FAM83F: variants seen among roughly 807,000 people sequenced by gnomAD.
FAM83F encodes protein FAM83F.
A neutral mutation model predicts 42.9 loss-of-function variants in FAM83F; 45 were observed. That is an observed-to-expected ratio of 1.05 (90% CI 0.83 to 1.35). The LOEUF is 1.35. Among genes scored for constraint, FAM83F ranks in the 40% most tolerant of loss-of-function variants. The pLI is 0.00. For missense variants in FAM83F, 617 were observed against 695.9 expected (o/e 0.89, Z 1.28); for synonymous variants, 306 against 298.3 (o/e 1.03, Z -0.27).
intron 1 of FAM83F, chr22:39,998,958 T>A (rs1380359987): frequency 2.6e-5 from 4 of 152,152 alleles, no homozygotes; most frequent in Non-Finnish European, 5.9e-5. Flanking sequence ...AACTCTTGGT[T>A]CTTATTTGCA....
rs757440995 is a variant in FAM83F, at chr22:40,021,518, G to C, written c.1008G>C (p.Pro336=). ...KYALVSGCRH[P]PGEMMRWAAR... is the part of the protein sequence containing the mutation. ...CCTTGGTGTCAGGCTGCCGCCACCC[G>C]CCTGGGGAGATGATGCGCTGGGCTG... Residue 336 remains proline, a synonymous_variant, in exon 4 of 5, where the codon CCG becomes CCC. Coordinates refer to ENST00000333407, the MANE Select transcript of FAM83F (RefSeq NM_138435.4). This position sits in a 1 kb window ranked among gnomAD's most constrained non-coding sequence, Gnocchi z 8.7. The C allele has an allele frequency of 6.3e-7, 1 of 1,575,418 alleles. No individual in the cohort carries two copies.
intron 1 of FAM83F, among the ~76,000 whole-genome samples, chr22:40,013,476 A>G (rs1230592578): frequency 6.6e-6 from 1 of 152,198 alleles, no homozygotes; most frequent in Non-Finnish European, 1.5e-5. Context: ...AGGTCTCACC[A>G]TTCTGTTCCA....
chr22:40,001,389 A>C (rs537137430), intron 1 of FAM83F, among the ~76,000 whole-genome samples: 1 of 152,176 alleles, frequency 6.6e-6, no homozygotes, highest in South Asian at 2.1e-4. Flanking sequence ...TCATGTCCCC[A>C]GCACTTTGGG....
At chr22:40,008,293 C>G (rs1435031674) in intron 1 of FAM83F, among the ~76,000 whole-genome samples, 1 of 152,228 alleles carries the variant, frequency 6.6e-6, no homozygotes, top group Non-Finnish European at 1.5e-5. Context: ...CAGCGGGCCC[C>G]CCATGGGCTG....
chr22:39,997,218 G>C (rs1003366723), intron 1 of FAM83F, among the ~76,000 whole-genome samples: 2 of 152,230 alleles, frequency 1.3e-5, no homozygotes, highest in Non-Finnish European at 2.9e-5. Flanking sequence ...TAATGGTGCA[G>C]TCCGATTAAG....
intron 1 of FAM83F, among the ~76,000 whole-genome samples, chr22:40,014,159 A>G (rs1230745542): frequency 2.2e-5 from 2 of 91,182 alleles, no homozygotes; most frequent in Non-Finnish European, 4.2e-5. Flanking sequence ...GTCTTATTGC[A>G]TAGGTGAGGA....
rs1294181877 is a variant in FAM83F at position 40,032,129 on chromosome 22, G to A, written c.*2564G>A. 1 of 152,392 alleles carries A rather than the reference G, an allele frequency of 6.6e-6. No individual in the cohort carries two copies. Among genetic ancestry groups the A allele is most frequent in the Non-Finnish European group, 1.5e-5 (1 of 68,214 alleles). The allele number at this position is 152,392 out of a possible 1,614,324, so 9.4% of individuals were successfully genotyped here. A position where few individuals can be genotyped will look rare whatever the true frequency, so the allele number is the denominator to read the frequency against. On this transcript the variant is annotated 3_prime_UTR_variant, in exon 5 of 5. Coordinates refer to ENST00000333407, the MANE Select transcript of FAM83F (RefSeq NM_138435.4). ...AAGGGCTCTAGGAGGAACAGGATAA[G>A]GCAGCACTCTCGGGGCTGGGGTCTG... is the stretch of plus-strand genomic sequence containing the variant.
rs2067660546 is a variant in FAM83F at position 40,043,302 on chromosome 22, T to C, written c.*13737T>C. 6.6e-6 allele frequency: 1 copy of C among 152,214 alleles called. No individual in the cohort carries two copies. Among genetic ancestry groups the C allele is most frequent in the African/African-American group, 2.4e-5 (1 of 41,458 alleles). 9.4% of individuals were successfully genotyped at this position (152,214 alleles called of 1,614,324 possible). A position where few individuals can be genotyped will look rare whatever the true frequency, so the allele number is the denominator to read the frequency against. ...GAATGTGGGCTAGAGTCCAGCGTTG[T>C]GCTCCTGGAGATCATTTCGGTCGCA... On this transcript the variant is annotated 3_prime_UTR_variant, in exon 5 of 5. Transcript: ENST00000333407.
chr22:39,995,051 G>A lies in FAM83F; in HGVS notation c.9G>A (p.Glu3=). 2.3e-6 allele frequency: 3 copies of A among 1,294,210 alleles called. No homozygotes were observed. Among genetic ancestry groups the A allele is most frequent in the Non-Finnish European group, 2.9e-6 (3 of 1,025,978 alleles). 80.2% of individuals were successfully genotyped at this position (1,294,210 alleles called of 1,614,324 possible). Residue 3 remains glutamate, a synonymous_variant, in exon 1 of 5, where the codon GAG becomes GAA. Transcript: ENST00000333407. This position sits in a 1 kb window ranked among gnomAD's most constrained non-coding sequence, Gnocchi z 4.6. MA[E]SQLNCLDEAH... ...GCCGGGGCCGGGGCGCCATGGCCGA[G>A]TCCCAGCTGAACTGCCTGGACGAGG...
chr22:40,009,533 C>T (rs990723649), intron 1 of FAM83F, among the ~76,000 whole-genome samples: 3 of 152,168 alleles, frequency 2.0e-5, no homozygotes, highest in African/African-American at 4.8e-5. Context: ...GAGGAGAGTC[C>T]GAGCTGGGGC....
chr22:40,018,931 G>T (rs572050187), intron 1 of FAM83F, among the ~76,000 whole-genome samples: 7 of 152,300 alleles, frequency 4.6e-5, no homozygotes, highest in Non-Finnish European at 8.8e-5. Flanking sequence ...CCCCAGGATG[G>T]GGAGGTGGGG....
rs1166417103 is a variant in FAM83F, at chr22:40,042,457, C to A, written c.*12892C>A. 1 of 152,232 alleles carries A rather than the reference C, an allele frequency of 6.6e-6. No homozygotes were observed. Among genetic ancestry groups the A allele is most frequent in the Non-Finnish European group, 1.5e-5 (1 of 68,060 alleles). 9.4% of individuals were successfully genotyped at this position (152,232 alleles called of 1,614,324 possible). On this transcript the variant is annotated 3_prime_UTR_variant, in exon 5 of 5. Coordinates refer to ENST00000333407, the MANE Select transcript of FAM83F (RefSeq NM_138435.4). ...GCTAACCGTAACTCATTCTTTAGTTCTCCTTGAAGGTGTCACTTCTTCCAG... is the reference window on the plus strand; with the variant it reads ...GCTAACCGTAACTCATTCTTTAGTTATCCTTGAAGGTGTCACTTCTTCCAG...
At chr22:40,001,896 T>G (rs1396853683) in intron 1 of FAM83F, among the ~76,000 whole-genome samples, 1 of 152,214 alleles carries the variant, frequency 6.6e-6, no homozygotes, top group African/African-American at 2.4e-5. Flanking sequence ...AAAGACCCTG[T>G]GCCGGCGTGT....
chr22:40,000,237 A>G (rs1335188733), intron 1 of FAM83F, among the ~76,000 whole-genome samples: 2 of 152,278 alleles, frequency 1.3e-5, no homozygotes, highest in East Asian at 3.9e-4. Context: ...AATGCTCTAA[A>G]TTGGGGATAT....
intron 1 of FAM83F, among the ~76,000 whole-genome samples, chr22:40,003,801 A>G (rs1009049043): frequency 2.0e-5 from 3 of 152,172 alleles, no homozygotes; most frequent in Non-Finnish European, 4.4e-5. Flanking sequence ...TAATCTGGAA[A>G]CATATGCACG....
chr22:39,999,847 C>T (rs1399179339), intron 1 of FAM83F, among the ~76,000 whole-genome samples: 3 of 152,210 alleles, frequency 2.0e-5, no homozygotes, highest in African/African-American at 7.2e-5. Flanking sequence ...CCCTAACCCA[C>T]CTCTGCCTGT....
chr22:40,029,482 C>T (rs2067574643), intron 4 of FAM83F, 34 bp from the exon 5 acceptor site: 3 of 1,596,170 alleles, frequency 1.9e-6, no homozygotes, highest in Non-Finnish European at 2.6e-6. Context: ...GTTTCACTTA[C>T]ATCCTTCCCC....
rs1439151626 is a variant in FAM83F at position 40,043,359 on chromosome 22, T to TG, written c.*13795dup. The TG allele has an allele frequency of 1.3e-5, 2 of 152,244 alleles. No homozygotes were observed. Among genetic ancestry groups the TG allele is most frequent in the African/African-American group, 4.8e-5 (2 of 41,458 alleles). The allele number at this position is 152,244 out of a possible 1,614,324, so 9.4% of individuals were successfully genotyped here. Reference sequence around the variant, plus strand: ...CACTGGCAATGGGTCCTAAGCGTCCTGCCCTCCTCTGGCTGAAATGTTGGA... The same window carrying TG: ...CACTGGCAATGGGTCCTAAGCGTCCTGGCCCTCCTCTGGCTGAAATGTTGGA... On this transcript the variant is annotated 3_prime_UTR_variant, in exon 5 of 5. Coordinates refer to ENST00000333407, the MANE Select transcript of FAM83F (RefSeq NM_138435.4).
chr22:40,015,145 A>C (rs571024781), intron 1 of FAM83F, among the ~76,000 whole-genome samples: 1 of 152,148 alleles, frequency 6.6e-6, no homozygotes, highest in Non-Finnish European at 1.5e-5. Flanking sequence ...GAATTGGTTC[A>C]TGGGATAATG....
Sources: gnomAD v4.1 joint callset for allele counts (sites outside exome capture counted in the v4.1 genomes callset) on GRCh38, gnomAD v4.1.1 for gene constraint, Gnocchi (gnomAD v3.1) non-coding constraint, MANE v1.5 for transcripts, NCBI Gene and HGNC (gene_info 2026-07-23, HGNC 2026-07-21) for gene names.